PDE3A: variants seen among roughly 807,000 people sequenced by gnomAD.
PDE3A encodes cGMP-inhibited 3',5'-cyclic phosphodiesterase 3A.
Under a neutral mutation model 98.3 loss-of-function variants are expected in PDE3A, and 43 were observed. The observed-to-expected ratio is 0.44, with a 90% confidence interval of 0.34 to 0.56. The LOEUF is 0.56. Among genes scored for constraint, PDE3A ranks in the 20% least tolerant of loss-of-function variants. PDE3A has a pLI of 0.01. For synonymous variants in PDE3A, 663 were observed against 567.9 expected, an observed-to-expected ratio of 1.17 and a Z score of -2.38; for missense variants, 1,427 against 1,440.7, an observed-to-expected ratio of 0.99 and a Z score of 0.15.
At chr12:20,653,780 C>T (rs1944975668) in intron 14 of PDE3A, among the ~76,000 whole-genome samples, 167 bp from the exon 15 acceptor site, 1 of 152,152 alleles carries the variant, frequency 6.6e-6, no homozygotes, top group Non-Finnish European at 1.5e-5. Flanking sequence ...ACCTCAAGTT[C>T]AGAAAAGTAC....
chr12:20,617,670 GC>G (rs1171485649), intron 4 of PDE3A, among the ~76,000 whole-genome samples: 1 of 152,086 alleles, frequency 6.6e-6, no homozygotes, highest in Non-Finnish European at 1.5e-5. Flanking sequence ...TGCCCATTTT[GC>G]CAGTGCAACT....
chr12:20,502,307 A>C (rs774733570), intron 1 of PDE3A, among the ~76,000 whole-genome samples: 1 of 152,162 alleles, frequency 6.6e-6, no homozygotes, highest in Non-Finnish European at 1.5e-5. Flanking sequence ...TATGAGTCTC[A>C]CAATCATACA....
intron 15 of PDE3A, among the ~76,000 whole-genome samples, chr12:20,670,738 A>G (rs1945453375): frequency 7.1e-6 from 1 of 141,762 alleles, no homozygotes; most frequent in East Asian, 2.1e-4. Flanking sequence ...TGCCCACAAG[A>G]GAAAGCAGGA....
chr12:20,592,367 G>A (rs977435570), intron 2 of PDE3A, among the ~76,000 whole-genome samples: 2 of 152,124 alleles, frequency 1.3e-5, no homozygotes, highest in African/African-American at 4.8e-5. Context: ...TTGTCATCCT[G>A]CAGTAAATAA....
intron 1 of PDE3A, among the ~76,000 whole-genome samples, chr12:20,423,375 C>G (rs963126357): frequency 6.6e-6 from 1 of 152,154 alleles, no homozygotes; most frequent in Non-Finnish European, 1.5e-5. Flanking sequence ...TGCATATGTG[C>G]TCATATCTGT....
In PDE3A at chr12:20,475,541, C is replaced by A. The variant is rs371282512; in HGVS notation, c.961-81119C>A. Among the ~76,000 whole-genome samples the A allele has an allele frequency of 2.6e-5, 4 of 152,084 alleles. No homozygotes were observed. The South Asian group carries it at 8.3e-4, about 32-fold the overall frequency. On this transcript the variant is annotated intron_variant, in intron 1 of 15. Transcript: ENST00000359062. ...GTCAGGGGTTTGAGACCAGCCTGGC[C>A]AACGTGGTGAAACCCCATCTCTACC...
intron 1 of PDE3A, among the ~76,000 whole-genome samples, chr12:20,406,523 T>G (rs530308695): frequency 6.6e-6 from 1 of 152,218 alleles, no homozygotes; most frequent in Non-Finnish European, 1.5e-5. Context: ...TTTGTATGTC[T>G]TCTTTAAAAA....
chr12:20,484,583 T>A (rs1207607934), intron 1 of PDE3A, among the ~76,000 whole-genome samples: 1 of 152,238 alleles, frequency 6.6e-6, no homozygotes, highest in Non-Finnish European at 1.5e-5. Context: ...TGAGCTCCAT[T>A]AGGTTTAATC....
At chr12:20,605,668 T>C (rs1490329083) in intron 2 of PDE3A, among the ~76,000 whole-genome samples, 1 of 152,140 alleles carries the variant, frequency 6.6e-6, no homozygotes, top group Non-Finnish European at 1.5e-5. Context: ...CCTGTAGGTT[T>C]GGTTTTGGAA....
chr12:20,461,389 A>G (rs1945248186), intron 1 of PDE3A, among the ~76,000 whole-genome samples: 1 of 152,164 alleles, frequency 6.6e-6, no homozygotes, highest in South Asian at 2.1e-4. Flanking sequence ...AAATAAATCC[A>G]ATTGGAAACA....
intron 15 of PDE3A, among the ~76,000 whole-genome samples, chr12:20,677,782 G>T (rs895617324): frequency 3.4e-5 from 5 of 148,312 alleles, no homozygotes; most frequent in African/African-American, 1.3e-4. Context: ...TTTCTTGAAG[G>T]TGTATCTATG....
chr12:20,372,842 G>A (rs978466117), intron 1 of PDE3A, among the ~76,000 whole-genome samples: 5 of 152,116 alleles, frequency 3.3e-5, no homozygotes, highest in Non-Finnish European at 7.4e-5. Context: ...GTCCTCTTGA[G>A]AATTTATTTG....
intron 15 of PDE3A, among the ~76,000 whole-genome samples, chr12:20,675,365 C>G (rs1246565477): frequency 6.6e-6 from 1 of 152,142 alleles, no homozygotes; most frequent in African/African-American, 2.4e-5. Flanking sequence ...GTTCCATGTG[C>G]TGACAATGAG....
chr12:20,590,281 G>A (rs1296530163), intron 2 of PDE3A, among the ~76,000 whole-genome samples: 1 of 150,988 alleles, frequency 6.6e-6, no homozygotes, highest in Non-Finnish European at 1.5e-5. Flanking sequence ...AGATGATGGT[G>A]AAGATTATAA....
intron 9 of PDE3A, among the ~76,000 whole-genome samples, chr12:20,638,051 T>G (rs1413138103): frequency 5.3e-5 from 8 of 152,104 alleles, no homozygotes; most frequent in Non-Finnish European, 1.0e-4. Context: ...CCATCAAACT[T>G]GTGAATATAA....
intron 1 of PDE3A, among the ~76,000 whole-genome samples, chr12:20,487,574 A>G (rs1591981579): frequency 6.7e-6 from 1 of 149,806 alleles, no homozygotes; most frequent in Non-Finnish European, 1.5e-5. Context: ...AATTGCTTGA[A>G]CCCAGGAGGC....
chr12:20,398,233 T>C (rs1259510536), intron 1 of PDE3A, among the ~76,000 whole-genome samples: 1 of 151,638 alleles, frequency 6.6e-6, no homozygotes, highest in South Asian at 2.1e-4. Context: ...GGAGGAATTA[T>C]TCAGTTATCA....
At chr12:20,648,545 A>C (rs933217919) in intron 12 of PDE3A, 143 bp from the exon 13 acceptor site, 1 of 635,290 alleles carries the variant, frequency 1.6e-6, no homozygotes, top group African/African-American at 1.8e-5. Flanking sequence ...TACAGTAATA[A>C]GTGATTCTTA....
chr12:20,563,706 C>T (rs1942587527), intron 2 of PDE3A, among the ~76,000 whole-genome samples: 1 of 152,018 alleles, frequency 6.6e-6, no homozygotes, highest in Non-Finnish European at 1.5e-5. Context: ...TTAAATTTTG[C>T]TTATACTAAC....
Sources: gnomAD v4.1 joint callset for allele counts (sites outside exome capture counted in the v4.1 genomes callset) on GRCh38, gnomAD v4.1.1 for gene constraint, MANE v1.5 for transcripts, NCBI Gene and HGNC (gene_info 2026-07-23, HGNC 2026-07-21) for gene names.